INSRR: variants seen among roughly 807,000 people sequenced by gnomAD.
INSRR encodes the protein insulin receptor related receptor, also known as insulin receptor-related protein.
In INSRR, 114 loss-of-function variants were observed where a neutral mutation model predicts 130.0. The ratio of observed to expected loss-of-function variants is 0.88; its 90% confidence interval spans 0.75 to 1.02. The LOEUF (loss-of-function observed/expected upper bound fraction) is 1.02. INSRR is among the 50% of genes least tolerant of loss of function. The pLI is 0.00. For missense variants in INSRR, 1,657 were observed against 1,735.2 expected (o/e 0.95, Z 0.80); for synonymous variants, 674 against 705.2 (o/e 0.96, Z 0.70).
chr1:156,845,792 G>A lies in INSRR; in HGVS notation c.2001C>T (p.Asn667=), dbSNP rs1654980077. Residue 667 remains asparagine (N), a synonymous_variant, in exon 10 of 22, where the codon AAC becomes AAT. Transcript: ENST00000368195. ...CHRGLRLPTS[N]NDPRFDGEDG... Reference sequence around the variant, plus strand: ...CTTCGCCGTCGAAGCGCGGATCGTTGTTGCTGGTGGGCAGCCGCAAGCCTG... The same window carrying A: ...CTTCGCCGTCGAAGCGCGGATCGTTATTGCTGGTGGGCAGCCGCAAGCCTG... The A allele has an allele frequency of 6.2e-7, 1 of 1,612,650 alleles. No individual in the cohort carries two copies. Among genetic ancestry groups the A allele is most frequent in the Non-Finnish European group, 8.5e-7 (1 of 1,179,864 alleles).
chr1:156,845,364 C>T lies in INSRR; in HGVS notation c.2216+8G>A. ...ACGCCCCTCAGCACCTGCCCTAGTCCTGCTCACCTTTGGGGGCTCTTGTTG... is the reference window on the plus strand; with the variant it reads ...ACGCCCCTCAGCACCTGCCCTAGTCTTGCTCACCTTTGGGGGCTCTTGTTG... On this transcript the variant is annotated splice_region_variant and intron_variant, in intron 11 of 21. Coordinates refer to ENST00000368195, the MANE Select transcript of INSRR (RefSeq NM_014215.3). The T allele has an allele frequency of 6.3e-7, 1 of 1,593,076 alleles. No individual in the cohort carries two copies. The highest frequency in any genetic ancestry group is 1.1e-5 in the South Asian group (1 of 87,810).
Position 156,857,161 on chromosome 1 carries a change from GTA to G in INSRR, c.85+1374_85+1375del, listed in dbSNP as rs1330619121. ...GAGCTTGGCTCTGCCCAGCAGCTGTGTATGTGTGTGTGTGTGTGTGTGTGTGT... is the reference window on the plus strand; with the variant it reads ...GAGCTTGGCTCTGCCCAGCAGCTGTGTGTGTGTGTGTGTGTGTGTGTGTGT... On this transcript the variant is annotated intron_variant, in intron 1 of 21. Transcript: ENST00000368195. Among the ~76,000 whole-genome samples, 1,002 of 114,758 alleles carry G rather than the reference GTA, an allele frequency of 8.7e-3. 10 individuals carry two copies. The highest frequency in any genetic ancestry group is 0.019 in the South Asian group (60 of 3,138). The allele number at this position is 114,758 out of a possible 152,430, so 75.3% of individuals were successfully genotyped here.
intron 17 of INSRR, 60 bp from the exon 18 acceptor site, chr1:156,842,568 T>G (rs2102854264): frequency 4.7e-6 from 6 of 1,286,554 alleles, no homozygotes; most frequent in Non-Finnish European, 6.8e-6. Flanking sequence ...TTGGCCAAAA[T>G]TCTGATCTGC....
Position 156,840,651 on chromosome 1 carries a change from G to A in INSRR, c.*222C>T. ...ACCTGATCTCTACTCCTCTGGCTTT[G>A]ACCCTGCTTGCTCTCCCCCGAGGGA... On this transcript the variant is annotated 3_prime_UTR_variant, in exon 22 of 22. Transcript: ENST00000368195. 3 of 589,728 alleles carry A rather than the reference G, an allele frequency of 5.1e-6. No homozygotes were observed. The South Asian group carries it at 6.0e-5, about 12-fold the overall frequency. 36.5% of individuals were successfully genotyped at this position (589,728 alleles called of 1,614,324 possible).
intron 19 of INSRR, 46 bp from the exon 20 acceptor site, chr1:156,841,840 C>T: frequency 1.2e-6 from 2 of 1,613,982 alleles, no homozygotes; most frequent in Non-Finnish European, 1.7e-6. Context: ...GCATAAGAGC[C>T]ACGCACTAGC....
rs1654916217 is a variant in INSRR at position 156,844,497 on chromosome 1, C to T, written c.2702G>A (p.Trp901Ter). 1 of 1,614,074 alleles carries T rather than the reference C, an allele frequency of 6.2e-7. No homozygotes were observed. The highest frequency in any genetic ancestry group is 1.7e-5 in the Admixed American group (1 of 60,020). Reference protein sequence around the residue: ...RATSLAGNGSWTDSVAFYILG... With the variant: ...RATSLAGNGS ...GATGTAGAAGGCAACACTGTCTGTC[C>T]AAGAGCCATTGCCAGCCAGTGAGGT... Residue 901 changes from tryptophan to a stop codon, truncating the protein, a stop_gained, in exon 14 of 22, where the codon TGG becomes TAG. Coordinates refer to ENST00000368195, the MANE Select transcript of INSRR (RefSeq NM_014215.3). LOFTEE classifies it high-confidence loss of function.
chr1:156,849,513 G>GGA, intron 5 of INSRR, 53 bp from the exon 6 acceptor site: 1 of 486,120 alleles, frequency 2.1e-6, no homozygotes, highest in East Asian at 5.4e-5. Flanking sequence ...CAGGGGGTGG[G>GGA]AAAGGGGATG....
chr1:156,851,695 C>G lies in INSRR; in HGVS notation c.1035G>C (p.Val345=), dbSNP rs1655215924. 3.1e-6 allele frequency: 5 copies of G among 1,614,186 alleles called. No individual in the cohort carries two copies. Among genetic ancestry groups the G allele is most frequent in the Non-Finnish European group, 4.2e-6 (5 of 1,179,998 alleles). Residue 345 remains valine, a synonymous_variant, in exon 4 of 22, where the codon GTG becomes GTC. Coordinates refer to ENST00000368195, the MANE Select transcript of INSRR (RefSeq NM_014215.3). The part of the protein sequence containing the change: ...IDSIQAAQDL[V]GCTHVEGSLI... ...GGCTTCCCTCCACATGCGTGCAGCC[C>G]ACAAGATCCTGTGCCGCCTGGATGG... is the stretch of plus-strand genomic sequence containing the variant.
At chr1:156,845,884 G>T (rs1489624401) in intron 9 of INSRR, 68 bp downstream of exon 9, 4 of 1,598,208 alleles carry the variant, frequency 2.5e-6, no homozygotes, top group Non-Finnish European at 3.4e-6. Context: ...CCACCTGCCG[G>T]GGCCCTGCGC....
At chr1:156,848,035 C>T (rs2102861824) in intron 7 of INSRR, among the ~76,000 whole-genome samples, 1 of 152,218 alleles carries the variant, frequency 6.6e-6, no homozygotes, top group South Asian at 2.1e-4. Context: ...AATTCTTGGG[C>T]CCTGCTCAGG....
At position 156,843,088 on chromosome 1, in the gene INSRR, C is replaced by G; in HGVS notation, c.3042G>C (p.Thr1014=). 1 of 1,614,140 alleles carries G rather than the reference C, an allele frequency of 6.2e-7. No individual in the cohort carries two copies. The highest frequency in any genetic ancestry group is 8.5e-7 in the Non-Finnish European group (1 of 1,180,026). ...GEESTPVALK[T]VNELASPREC... ...CCCGTGGGCTGGCCAGCTCATTCAC[C>G]GTCTTCAGGGCCACGGGTGTGGACT... The change falls in exon 17 of 22, where the codon ACG becomes ACC. Residue 1014 remains threonine, a synonymous_variant. Coordinates refer to ENST00000368195, the MANE Select transcript of INSRR (RefSeq NM_014215.3).
rs762613259 is a variant in INSRR at position 156,846,533 on chromosome 1, C to T, written c.1796G>A (p.Arg599Gln). Residue 599 changes from arginine (R) to glutamine (Q), a missense_variant, in exon 8 of 22, where the codon CGA (arginine) becomes CAA (glutamine). Physicochemically the swap from Arg to Gln is conservative, Grantham distance 43. Transcript: ENST00000368195. ...CAAATGCCTACCTGCAGGCAGCGTT[C>T]GGAGGTAGACGATGGGACTCTGGGC... is the stretch of plus-strand genomic sequence containing the variant. ...QGAQSPIVYL[R>Q]TLPAAPTVPQ... 28 of 1,613,526 alleles carry T rather than the reference C, an allele frequency of 1.7e-5. No individual in the cohort carries two copies. Among genetic ancestry groups the T allele is most frequent in the Admixed American group, 1.0e-4 (6 of 59,994 alleles).
At chr1:156,851,164 C>T in intron 5 of INSRR, 126 bp downstream of exon 5, 1 of 979,000 alleles carries the variant, frequency 1.0e-6, no homozygotes, top group Non-Finnish European at 1.6e-6. Context: ...AGAAGTTAAC[C>T]TACTTAGAGT....
Position 156,854,220 on chromosome 1 carries a change from T to G in INSRR, c.169A>C (p.Ile57Leu). 2 of 1,613,958 alleles carry G rather than the reference T, an allele frequency of 1.2e-6. No homozygotes were observed. The highest frequency in any genetic ancestry group is 1.3e-5 in the African/African-American group (1 of 75,030). Residue 57 changes from isoleucine (I) to leucine (L), a missense_variant, in exon 2 of 22, where the codon ATC becomes CTC. Ile to Leu is a conservative substitution (Grantham distance 5, BLOSUM62 2). Transcript: ENST00000368195. The surrounding 1 kb of genome is among the most constrained non-coding windows in gnomAD (Gnocchi z 4.2). ...CCGGTGGCTGTGAACATGAGCAGGA[T>G]CTGCAGGTGGCCCTCCACCACGCTG... The part of the protein sequence containing the change: ...NCSVVEGHLQ[I>L]LLMFTATGED...
At chr1:156,852,799 T>C (rs754782159) in intron 2 of INSRR, among the ~76,000 whole-genome samples, 5 of 152,148 alleles carry the variant, frequency 3.3e-5, no homozygotes, top group Non-Finnish European at 5.9e-5. Context: ...GTTGACACTG[T>C]ACATGAGAGG....
rs369261667 is a variant in INSRR, at chr1:156,849,487, T to G, written c.1230-27A>C. 3.0e-3 allele frequency: 1,131 copies of G among 378,608 alleles called. 2 individuals are homozygous for G. Among genetic ancestry groups the G allele is most frequent in the Non-Finnish European group, 4.7e-3 (995 of 211,422 alleles). The allele number at this position is 378,608 out of a possible 1,614,324, so 23.5% of individuals were successfully genotyped here. A position where few individuals can be genotyped will look rare whatever the true frequency, so the allele number is the denominator to read the frequency against. Reference sequence around the variant, plus strand: ...TGGGGGAGGCCAGGGGACCTTGCTCTGCGGGGAGGTGGGGGCAGGGGGTGG... The same window carrying G: ...TGGGGGAGGCCAGGGGACCTTGCTCGGCGGGGAGGTGGGGGCAGGGGGTGG... On this transcript the variant is annotated intron_variant, in intron 5 of 21. Coordinates refer to ENST00000368195, the MANE Select transcript of INSRR (RefSeq NM_014215.3).
chr1:156,849,163 C>T (rs900509666), intron 6 of INSRR, 83 bp downstream of exon 6: 2 of 1,599,708 alleles, frequency 1.3e-6, no homozygotes, highest in Non-Finnish European at 1.7e-6. Context: ...CTCAGAGTGT[C>T]CCCCTCGAGC....
chr1:156,850,177 CA>C (rs1199450960), intron 5 of INSRR, among the ~76,000 whole-genome samples: 3 of 152,214 alleles, frequency 2.0e-5, no homozygotes, highest in East Asian at 1.9e-4. Context: ...GCTAGGATTA[CA>C]GGCACGAGCC....
At position 156,842,290 on chromosome 1, in the gene INSRR, G is replaced by T. The variant is rs771085993; in HGVS notation, c.3238-19C>A. On this transcript the variant is annotated intron_variant, in intron 18 of 21. Transcript: ENST00000368195. ...GGTTGTTCTAGAGCCAAGATTGGGGGCTGGTGAGGAAGGAACCCAGAGGCT... is the reference window on the plus strand; with the variant it reads ...GGTTGTTCTAGAGCCAAGATTGGGGTCTGGTGAGGAAGGAACCCAGAGGCT... 6.2e-6 allele frequency: 10 copies of T among 1,613,712 alleles called. No homozygotes were observed. In the East Asian group the frequency reaches 8.9e-5, roughly 14 times the overall value.
Sources: allele counts gnomAD v4.1 joint callset (sites outside exome capture counted in the v4.1 genomes callset), GRCh38; gene constraint gnomAD v4.1.1; non-coding constraint Gnocchi (gnomAD v3.1); transcripts MANE v1.5; gene names NCBI Gene and HGNC (gene_info 2026-07-23, HGNC 2026-07-21).